Variants in CLDN14 observed in about 807,000 individuals in gnomAD.
CLDN14 encodes claudin-14.
In CLDN14, 2 loss-of-function variants were observed where a neutral mutation model predicts 2.1. The ratio of observed to expected loss-of-function variants is 0.96; its 90% CI spans 0.39 to 3.01. The LOEUF (loss-of-function observed/expected upper bound fraction) is 3.01. Ranked by LOEUF, CLDN14 falls within the 30% of genes most tolerant of loss-of-function variation. CLDN14 has a pLI of 0.09. For missense variants in CLDN14, 298 were observed against 328.0 expected (o/e 0.91, Z 0.71); for synonymous variants, 136 against 154.4 (o/e 0.88, Z 0.88).
intron 1 of CLDN14, among the ~76,000 whole-genome samples, chr21:36,550,510 G>T (rs1157236450): frequency 6.6e-6 from 1 of 152,198 alleles, no homozygotes; most frequent in South Asian, 2.1e-4. Flanking sequence ...AGAAGTCAAA[G>T]GGCAGTGCCA....
intron 1 of CLDN14, among the ~76,000 whole-genome samples, chr21:36,555,629 A>T (rs2087593132): frequency 6.6e-6 from 1 of 152,136 alleles, no homozygotes; most frequent in African/African-American, 2.4e-5. Flanking sequence ...TTATGACCCC[A>T]TGGGCTCCAG....
At chr21:36,476,643 A>G (rs1039771396) in intron 1 of CLDN14, among the ~76,000 whole-genome samples, 1 of 152,164 alleles carries the variant, frequency 6.6e-6, no homozygotes, top group Non-Finnish European at 1.5e-5. Context: ...AGTAGAGACC[A>G]GGTTTCACCA....
intron 1 of CLDN14, among the ~76,000 whole-genome samples, chr21:36,565,658 G>A (rs1158830968): frequency 6.6e-6 from 1 of 152,180 alleles, no homozygotes; most frequent in Non-Finnish European, 1.5e-5. Context: ...CTGAACATCG[G>A]GGAGAGGGCT....
At chr21:36,516,324 A>G (rs1193221008) in intron 1 of CLDN14, among the ~76,000 whole-genome samples, 1 of 152,182 alleles carries the variant, frequency 6.6e-6, no homozygotes. Flanking sequence ...AGACATGCTG[A>G]TATTATCTTT....
At chr21:36,462,492 T>C (rs980699952) in intron 1 of CLDN14, among the ~76,000 whole-genome samples, 1 of 152,128 alleles carries the variant, frequency 6.6e-6, no homozygotes, top group African/African-American at 2.4e-5. Flanking sequence ...GTGACTTTAT[T>C]ATAAAACAGA....
At chr21:36,505,383 T>A (rs1236188978) in intron 2 of CLDN14, among the ~76,000 whole-genome samples, 1 of 152,192 alleles carries the variant, frequency 6.6e-6, no homozygotes, top group African/African-American at 2.4e-5. Flanking sequence ...CACCCCAAGC[T>A]GCTGGAGGAG....
rs2087268523 is a variant in CLDN14, at chr21:36,521,341, G to T, written c.-219-10841C>A. ...GGAGTGGCAATGGACAGAGAGTAAA[G>T]CTAGGGCATGAATGGGGACATTTTA... On this transcript the variant is annotated intron_variant, in intron 1 of 2. Coordinates refer to the CLDN14 transcript ENST00000342108. Among the ~76,000 whole-genome samples, 2 of 152,130 alleles carry T rather than the reference G, an allele frequency of 1.3e-5. 1 individual carries two copies. Among genetic ancestry groups the T allele is most frequent in the South Asian group, 4.1e-4 (2 of 4,834 alleles).
chr21:36,534,620 C>T (rs766518714), intron 1 of CLDN14, among the ~76,000 whole-genome samples: 6 of 152,158 alleles, frequency 3.9e-5, no homozygotes, highest in African/African-American at 7.2e-5. Context: ...ATCAAGATGA[C>T]GCACAGACTC....
chr21:36,501,029 G>A (rs892081158), intron 2 of CLDN14, among the ~76,000 whole-genome samples: 3 of 152,198 alleles, frequency 2.0e-5, no homozygotes, highest in East Asian at 1.9e-4. Context: ...GCTAACACCC[G>A]GGGGGTGCGG....
chr21:36,479,084 C>T (rs973375900), intron 1 of CLDN14, among the ~76,000 whole-genome samples: 4 of 152,160 alleles, frequency 2.6e-5, no homozygotes, highest in African/African-American at 9.7e-5. Context: ...GCCTGGCCCT[C>T]TTTGCAGAAA....
chr21:36,509,603 T>C (rs2087166709), intron 2 of CLDN14, among the ~76,000 whole-genome samples: 1 of 152,154 alleles, frequency 6.6e-6, no homozygotes, highest in Non-Finnish European at 1.5e-5. Context: ...TTTTTATTTA[T>C]TTATTTATTT....
At chr21:36,566,905 C>A (rs986232520) in intron 1 of CLDN14, among the ~76,000 whole-genome samples, 1 of 152,176 alleles carries the variant, frequency 6.6e-6, no homozygotes, top group African/African-American at 2.4e-5. Flanking sequence ...GGAAGACATC[C>A]GTCTGCCATC....
At chr21:36,466,594 G>A (rs1016149094) in intron 1 of CLDN14, among the ~76,000 whole-genome samples, 7 of 152,140 alleles carry the variant, frequency 4.6e-5, no homozygotes, top group Non-Finnish European at 1.0e-4. Context: ...CCCTCCCCAC[G>A]ACACGTGGGG....
chr21:36,548,758 C>A (rs1368760501), intron 1 of CLDN14, among the ~76,000 whole-genome samples: 1 of 152,102 alleles, frequency 6.6e-6, no homozygotes, highest in Non-Finnish European at 1.5e-5. Context: ...TGTGGGGAGG[C>A]CAAGGGTGGA....
intron 2 of CLDN14, among the ~76,000 whole-genome samples, chr21:36,500,683 C>G (rs932601402): frequency 6.6e-6 from 1 of 152,218 alleles, no homozygotes; most frequent in Non-Finnish European, 1.5e-5. Flanking sequence ...CCACCCGCCT[C>G]GGCCTCCCAA....
intron 2 of CLDN14, among the ~76,000 whole-genome samples, chr21:36,500,471 G>C (rs1307046743): frequency 1.3e-5 from 2 of 152,066 alleles, no homozygotes; most frequent in African/African-American, 4.8e-5. Flanking sequence ...TTGTTCTGTT[G>C]CCCAGGCTGG....
intron 1 of CLDN14, among the ~76,000 whole-genome samples, chr21:36,549,659 C>T (rs1391749212): frequency 2.0e-5 from 3 of 152,226 alleles, no homozygotes; most frequent in Admixed American, 6.5e-5. Flanking sequence ...AGAAAGATCA[C>T]GGTTGGCCAG....
chr21:36,538,609 T>A (rs1601629320), intron 1 of CLDN14, among the ~76,000 whole-genome samples: 2 of 142,372 alleles, frequency 1.4e-5, no homozygotes, highest in East Asian at 4.2e-4. Context: ...CGAGACATCG[T>A]CTCAAAGGAA....
At chr21:36,506,722 G>C (rs1346628921) in intron 2 of CLDN14, among the ~76,000 whole-genome samples, 1 of 152,108 alleles carries the variant, frequency 6.6e-6, no homozygotes. Flanking sequence ...AGGTCGGGGA[G>C]GACTTTCATT....
Sources: gnomAD v4.1 joint callset for allele counts (sites outside exome capture counted in the v4.1 genomes callset) on GRCh38, gnomAD v4.1.1 for gene constraint, MANE v1.5 for transcripts, NCBI Gene and HGNC (gene_info 2026-07-23, HGNC 2026-07-21) for gene names.